The following SLC35F4 variants were observed in gnomAD, a reference collection of about 807,000 sequenced individuals.
SLC35F4 encodes chromosome 14 open reading frame 36.
Under a neutral mutation model 44.2 loss-of-function variants are expected in SLC35F4, and 24 were observed. The ratio of observed to expected loss-of-function variants is 0.54; its 90% confidence interval spans 0.39 to 0.76. The LOEUF (loss-of-function observed/expected upper bound fraction) is 0.76. SLC35F4 is among the 30% of genes least tolerant of loss of function. The pLI, the probability that SLC35F4 is intolerant of heterozygous loss-of-function variation, is 0.00. For missense variants in SLC35F4, 562 were observed against 586.1 expected, an observed-to-expected ratio of 0.96 and a Z score of 0.42; for synonymous variants, 238 against 223.6, an observed-to-expected ratio of 1.06 and a Z score of -0.57.
chr14:57,786,042 C>T (rs949408203), intron 1 of SLC35F4, among the ~76,000 whole-genome samples: 6 of 152,114 alleles, frequency 3.9e-5, no homozygotes, highest in Admixed American at 1.3e-4. Context: ...CCCCCTCACC[C>T]TCTGCCTGGA....
chr14:57,784,403 GCTGGGTGTA>G (rs909961038), intron 1 of SLC35F4, among the ~76,000 whole-genome samples: 1 of 152,188 alleles, frequency 6.6e-6, no homozygotes, highest in African/African-American at 2.4e-5. Flanking sequence ...CATTTTTAGG[GCTGGGTGTA>G]CTGGCTCATG....
intron 1 of SLC35F4, among the ~76,000 whole-genome samples, chr14:57,830,673 C>G (rs1041238084): frequency 6.6e-6 from 1 of 152,154 alleles, no homozygotes; most frequent in African/African-American, 2.4e-5. Context: ...TTTCAGACCA[C>G]CTACCTTCAA....
intron 1 of SLC35F4, among the ~76,000 whole-genome samples, chr14:57,714,594 A>G (rs1244924255): frequency 6.6e-6 from 1 of 152,180 alleles, no homozygotes; most frequent in African/African-American, 2.4e-5. Flanking sequence ...GAAAGAATGC[A>G]AACGATATTG....
chr14:57,882,881 C>A (rs926681511), intron 1 of SLC35F4, among the ~76,000 whole-genome samples: 1 of 152,156 alleles, frequency 6.6e-6, no homozygotes, highest in Non-Finnish European at 1.5e-5. Context: ...GGTGTTCCTC[C>A]CCAACCCTTG....
chr14:57,914,456 G>A (rs539664482), intron 1 of SLC35F4, among the ~76,000 whole-genome samples: 182 of 152,208 alleles, frequency 1.2e-3, no homozygotes, highest in African/African-American at 4.2e-3. Context: ...TCAGCTACTC[G>A]GGAGGCTGAG....
chr14:57,758,836 A>T (rs1057050710), intron 1 of SLC35F4, among the ~76,000 whole-genome samples: 2 of 152,118 alleles, frequency 1.3e-5, no homozygotes, highest in Admixed American at 6.5e-5. Context: ...GATCTCTAGA[A>T]GCTATTCTTC....
intron 1 of SLC35F4, among the ~76,000 whole-genome samples, chr14:57,928,309 T>C (rs968087223): frequency 6.6e-6 from 1 of 152,092 alleles, no homozygotes; most frequent in Non-Finnish European, 1.5e-5. Context: ...CCCTGCCAGG[T>C]ACTAAGGAGG....
At position 57,895,742 on chromosome 14, in the gene SLC35F4, A is replaced by ACACCTCTTTTATT. The variant is rs146708506; in HGVS notation, n.282+86158_282+86170dup. Among the ~76,000 whole-genome samples, 1,432 of 152,076 alleles carry ACACCTCTTTTATT rather than the reference A, an allele frequency of 9.4e-3. 24 individuals carry two copies. The highest frequency in any genetic ancestry group is 0.033 in the African/African-American group (1,374 of 41,486). On this transcript the variant is annotated intron_variant and non_coding_transcript_variant, in intron 1 of 1. Coordinates refer to the SLC35F4 transcript ENST00000556568. ...AAGCCTGTGGAGCTATGAGTCAATTACACCTCTTTTATTCATAAATTACCC... is the reference window on the plus strand; with the variant it reads ...AAGCCTGTGGAGCTATGAGTCAATTACACCTCTTTTATTCACCTCTTTTATTCATAAATTACCC...
intron 1 of SLC35F4, among the ~76,000 whole-genome samples, chr14:57,600,413 C>T (rs866489318): frequency 1.3e-5 from 2 of 152,040 alleles, no homozygotes; most frequent in Non-Finnish European, 2.9e-5. Flanking sequence ...TAACTAGGGG[C>T]CGGGCGCGGT....
At chr14:57,815,096 A>G (rs1882412593) in intron 1 of SLC35F4, among the ~76,000 whole-genome samples, 1 of 152,224 alleles carries the variant, frequency 6.6e-6, no homozygotes, top group South Asian at 2.1e-4. Context: ...ACTAGTTTCA[A>G]AAGGCACCAA....
chr14:57,846,305 C>T (rs915416449), intron 1 of SLC35F4, among the ~76,000 whole-genome samples: 1 of 152,164 alleles, frequency 6.6e-6, no homozygotes, highest in Non-Finnish European at 1.5e-5. Flanking sequence ...TTTTTCCATT[C>T]CATGAGTCAT....
chr14:57,655,151 T>C (rs1038636438), intron 1 of SLC35F4, among the ~76,000 whole-genome samples: 2 of 152,104 alleles, frequency 1.3e-5, no homozygotes, highest in Non-Finnish European at 2.9e-5. Flanking sequence ...CTGAGAGCCA[T>C]CTCATATTGT....
chr14:57,572,605 A>T (rs1044305659), intron 4 of SLC35F4, among the ~76,000 whole-genome samples: 6 of 152,258 alleles, frequency 3.9e-5, no homozygotes, highest in Admixed American at 1.3e-4. Context: ...GTCACTTGGA[A>T]TGTCAAATGG....
intron 1 of SLC35F4, among the ~76,000 whole-genome samples, chr14:57,714,982 A>AT (rs1335705051): frequency 2.0e-5 from 3 of 152,190 alleles, no homozygotes; most frequent in Non-Finnish European, 2.9e-5. Flanking sequence ...ATTCTTGCTC[A>AT]TTTGCTGGGA....
At chr14:57,691,279 G>C (rs767096084) in intron 1 of SLC35F4, among the ~76,000 whole-genome samples, 3 of 152,178 alleles carry the variant, frequency 2.0e-5, no homozygotes, top group Non-Finnish European at 4.4e-5. Flanking sequence ...TGAAATGCTA[G>C]TTAACATATC....
At chr14:57,635,717 T>A (rs2072991636) in intron 1 of SLC35F4, among the ~76,000 whole-genome samples, 2 of 152,082 alleles carry the variant, frequency 1.3e-5, no homozygotes, top group Admixed American at 6.6e-5. Flanking sequence ...GCTTAATATG[T>A]CAAACTTGAA....
chr14:57,676,833 C>T (rs747567709), intron 1 of SLC35F4, among the ~76,000 whole-genome samples: 3 of 152,074 alleles, frequency 2.0e-5, no homozygotes, highest in Non-Finnish European at 4.4e-5. Context: ...ACTAGTACAA[C>T]CACTGTGGAA....
At chr14:57,608,066 G>A (rs1369566818) in intron 1 of SLC35F4, among the ~76,000 whole-genome samples, 1 of 152,144 alleles carries the variant, frequency 6.6e-6, no homozygotes, top group East Asian at 1.9e-4. Flanking sequence ...CTCATCCAAG[G>A]AGAGATGGTC....
At chr14:57,936,890 A>G (rs1400296419) in intron 1 of SLC35F4, among the ~76,000 whole-genome samples, 1 of 152,112 alleles carries the variant, frequency 6.6e-6, no homozygotes, top group African/African-American at 2.4e-5. Context: ...ACATGCATGG[A>G]ATGTTGAGGG....
Sources: gnomAD v4.1 joint callset for allele counts (sites outside exome capture counted in the v4.1 genomes callset) on GRCh38, gnomAD v4.1.1 for gene constraint, MANE v1.5 for transcripts, NCBI Gene and HGNC (gene_info 2026-07-23, HGNC 2026-07-21) for gene names.